SLC5A10: variants seen among roughly 807,000 people sequenced by gnomAD.
SLC5A10 encodes the protein solute carrier family 5 member 10.
SLC5A10 carries 55 observed loss-of-function variants against 68.9 expected under a neutral mutation model. The ratio of observed to expected loss-of-function variants is 0.80; its 90% CI spans 0.64 to 1.00. The LOEUF is 1.00. SLC5A10 is among the 50% of genes least tolerant of loss of function. SLC5A10 has a pLI of 0.00. For synonymous variants in SLC5A10, 344 were observed against 344.8 expected, an observed-to-expected ratio of 1.00 and a Z score of 0.02; for missense variants, 732 against 819.3, an observed-to-expected ratio of 0.89 and a Z score of 1.30.
At chr17:19,013,257 A>C in intron 9 of SLC5A10, 153 bp from the exon 10 acceptor site, 2 of 1,240,272 alleles carry the variant, frequency 1.6e-6, no homozygotes, top group Non-Finnish European at 2.2e-6. Flanking sequence ...CCTGTGGCTC[A>C]GATTGTGAAA....
intron 9 of SLC5A10, among the ~76,000 whole-genome samples, chr17:18,982,129 G>C (rs1435174257): frequency 6.6e-6 from 1 of 152,276 alleles, no homozygotes; most frequent in African/African-American, 2.4e-5. Context: ...GCCTCCGTGT[G>C]AGCCGCAGGC....
rs773574181 is a variant in SLC5A10, at chr17:18,979,652, C to T, written c.982+2663C>T. 33 of 1,613,356 alleles carry T rather than the reference C, an allele frequency of 2.0e-5. No homozygotes were observed. Among genetic ancestry groups the T allele is most frequent in the East Asian group, 4.5e-5 (2 of 44,896 alleles). ...GACCGCGTGAAGAACTCAGTTCCCC[C>T]GCTGCTCCGCACTCTGAGATTCTGT... On this transcript the variant is annotated intron_variant, in intron 9 of 14. Coordinates refer to ENST00000395645, the MANE Select transcript of SLC5A10 (RefSeq NM_001042450.4).
intron 1 of SLC5A10, among the ~76,000 whole-genome samples, chr17:18,952,811 G>C (rs549269154): frequency 4.6e-5 from 7 of 152,286 alleles, no homozygotes; most frequent in Non-Finnish European, 1.0e-4. Flanking sequence ...TCATAAGCCG[G>C]TTCTTTCTCC....
chr17:19,016,986 C>A (rs2044153447), intron 11 of SLC5A10, among the ~76,000 whole-genome samples: 1 of 152,154 alleles, frequency 6.6e-6, no homozygotes, highest in Non-Finnish European at 1.5e-5. Context: ...CTGGCCTCCT[C>A]ACCCAGACTC....
At position 18,971,187 on chromosome 17, in the gene SLC5A10, T is replaced by A; in HGVS notation, c.815T>A (p.Ile272Asn). 1 of 1,614,012 alleles carries A rather than the reference T, an allele frequency of 6.2e-7. No individual in the cohort carries two copies. The change falls in exon 8 of 15, where the codon ATC (isoleucine) becomes AAC (asparagine). Residue 272 changes from isoleucine to asparagine, a missense_variant. Transcript: ENST00000395645. The surrounding 1 kb of genome is among the most constrained non-coding windows in gnomAD (Gnocchi z 5.5). ...ACCGGGATGACCTTTGGCCTGACCA[T>A]CATGGCCACCTGGTACTGGTGCACC... ...PWTGMTFGLT[I>N]MATWYWCTDQ... is the part of the protein sequence containing the mutation.
chr17:19,003,234 T>A lies in SLC5A10; in HGVS notation c.983-10176T>A, dbSNP rs2043777431. Among the ~76,000 whole-genome samples, 1 of 150,912 alleles carries A rather than the reference T, an allele frequency of 6.6e-6. No homozygotes were observed. The highest frequency in any genetic ancestry group is 1.5e-5 in the Non-Finnish European group (1 of 67,640). ...CCCTCCCCACTCCACCCTATCTCGG[T>A]GCCTTCTTCTGGGGAACCAGAAACA... On this transcript the variant is annotated intron_variant, in intron 9 of 14. Coordinates refer to ENST00000395645, the MANE Select transcript of SLC5A10 (RefSeq NM_001042450.4). This position sits in a 1 kb window ranked among gnomAD's most constrained non-coding sequence, Gnocchi z 4.5.
intron 1 of SLC5A10, 111 bp downstream of exon 1, chr17:18,952,427 G>T: frequency 1.5e-6 from 2 of 1,344,368 alleles, no homozygotes; most frequent in South Asian, 2.8e-5. Flanking sequence ...CCAGCTGGTG[G>T]CCTAGTGATC....
chr17:19,007,129 C>G (rs536250972), intron 9 of SLC5A10, among the ~76,000 whole-genome samples: 1 of 151,862 alleles, frequency 6.6e-6, no homozygotes, highest in East Asian at 1.9e-4. Flanking sequence ...ATTTCACATT[C>G]TCACCAACAA....
chr17:18,976,010 A>C (rs1034749863), intron 8 of SLC5A10: 6 of 151,398 alleles, frequency 4.0e-5, no homozygotes, highest in Admixed American at 6.6e-5. Context: ...ACAAGGTGAA[A>C]CCTCGTCTCT....
intron 4 of SLC5A10, among the ~76,000 whole-genome samples, chr17:18,959,891 G>T (rs2042578337): frequency 6.6e-6 from 1 of 152,058 alleles, no homozygotes; most frequent in Admixed American, 6.5e-5. Flanking sequence ...TGGGTGCCGT[G>T]TTGGCTGGTT....
intron 3 of SLC5A10, 50 bp downstream of exon 3, chr17:18,959,289 T>G (rs1216478861): frequency 1.6e-5 from 25 of 1,577,226 alleles, no homozygotes; most frequent in Non-Finnish European, 2.1e-5. Flanking sequence ...GCACAGGATG[T>G]GGTCGCAGCA....
chr17:18,973,117 G>T (rs2042895623), intron 8 of SLC5A10, among the ~76,000 whole-genome samples: 1 of 152,234 alleles, frequency 6.6e-6, no homozygotes, highest in South Asian at 2.1e-4. Flanking sequence ...TGGGCAAGGG[G>T]CTGGTGAAAG....
intron 10 of SLC5A10, among the ~76,000 whole-genome samples, chr17:19,013,759 A>G (rs2044072746): frequency 2.0e-5 from 3 of 151,576 alleles, no homozygotes; most frequent in African/African-American, 4.9e-5. Flanking sequence ...AGGCTTGGCC[A>G]TGCTGTAGTT....
chr17:18,976,290 A>C (rs1441883150), intron 8 of SLC5A10: 1 of 152,362 alleles, frequency 6.6e-6, no homozygotes, highest in Admixed American at 6.5e-5. Context: ...CATTCTGCAA[A>C]TCTGGAAAGG....
intron 8 of SLC5A10, among the ~76,000 whole-genome samples, chr17:18,973,872 ATTTTTTTTTAAGTTTTTTTT>A (rs2042914176): frequency 1.4e-5 from 1 of 73,224 alleles, no homozygotes; most frequent in African/African-American, 5.1e-5. Flanking sequence ...TAATTTTTGT[ATTTTTTTTTAAGTTTTTTTT>A]TTTTTTTTTT....
rs868296432 is a variant in SLC5A10, at chr17:19,003,797, C to G, written c.983-9613C>G. The G allele has an allele frequency of 6.2e-7, 1 of 1,612,482 alleles. No individual in the cohort carries two copies. The highest frequency in any genetic ancestry group is 8.5e-7 in the Non-Finnish European group (1 of 1,179,718). On this transcript the variant is annotated intron_variant, in intron 9 of 14. Coordinates refer to ENST00000395645, the MANE Select transcript of SLC5A10 (RefSeq NM_001042450.4). This position sits in a 1 kb window ranked among gnomAD's most constrained non-coding sequence, Gnocchi z 4.5. ...GGGCCCCTGAGAGGGGCCCGTGCCC[C>G]GAGGGTCCTCAGAGCCCGGGTCGTA...
At chr17:18,963,274 C>A (rs1567779696) in intron 5 of SLC5A10, among the ~76,000 whole-genome samples, 1 of 152,186 alleles carries the variant, frequency 6.6e-6, no homozygotes, top group Non-Finnish European at 1.5e-5. Context: ...ACACTGAGGT[C>A]CAGGTCACAG....
At position 19,000,070 on chromosome 17, in the gene SLC5A10, C is replaced by T. The variant is rs556162151; in HGVS notation, c.983-13340C>T. ...AGGCTGCAGCCAAGTGAGGCCGGGG[C>T]TCGCCCCTCCCAGGCGTGATCTTAC... On this transcript the variant is annotated intron_variant, in intron 9 of 14. Transcript: ENST00000395645. This position sits in a 1 kb window ranked among gnomAD's most constrained non-coding sequence, Gnocchi z 5.2. Among the ~76,000 whole-genome samples the T allele has an allele frequency of 2.6e-5, 4 of 152,364 alleles. No homozygotes were observed. The East Asian group carries it at 7.7e-4, about 29-fold the overall frequency.
intron 9 of SLC5A10, among the ~76,000 whole-genome samples, chr17:19,012,655 G>C (rs539846838): frequency 1.3e-5 from 2 of 152,024 alleles, no homozygotes; most frequent in Admixed American, 6.5e-5. Flanking sequence ...AGGTGGGAGC[G>C]AGGAGGGACT....
Sources: allele counts gnomAD v4.1 joint callset (sites outside exome capture counted in the v4.1 genomes callset), GRCh38; gene constraint gnomAD v4.1.1; non-coding constraint Gnocchi (gnomAD v3.1); transcripts MANE v1.5; gene names NCBI Gene and HGNC (gene_info 2026-07-23, HGNC 2026-07-21).